RELN: variants seen among roughly 807,000 people sequenced by gnomAD.
The protein encoded by RELN is reelin.
In RELN, 108 loss-of-function variants were observed where a neutral mutation model predicts 427.6. The ratio of observed to expected loss-of-function variants is 0.25; its 90% confidence interval spans 0.22 to 0.30. The LOEUF (loss-of-function observed/expected upper bound fraction) is 0.30. RELN is among the 10% of genes least tolerant of loss of function. The probability of loss-of-function intolerance (pLI) is 1.00; values close to 1 mark genes in which losing one functional copy is unlikely to be tolerated. For missense variants in RELN, 3,715 were observed against 4,302.8 expected, an observed-to-expected ratio of 0.86 and a Z score of 3.82; for synonymous variants, 1,524 against 1,513.4, an observed-to-expected ratio of 1.01 and a Z score of -0.16.
intron 25 of RELN, among the ~76,000 whole-genome samples, chr7:103,595,991 T>C (rs558593609): frequency 1.3e-5 from 2 of 152,276 alleles, no homozygotes; most frequent in South Asian, 4.1e-4. Context: ...GCAAAATTTT[T>C]AGAAAATCTG....
intron 43 of RELN, 148 bp from the exon 44 acceptor site, chr7:103,540,603 G>T: frequency 1.4e-6 from 1 of 726,824 alleles, no homozygotes; most frequent in Non-Finnish European, 2.3e-6. Context: ...TCACTTCAAA[G>T]TCTGATTTCC....
chr7:103,569,461 T>C lies in RELN; in HGVS notation c.4589-2702A>G, dbSNP rs1263507292. Among the ~76,000 whole-genome samples, 1 of 152,250 alleles carries C rather than the reference T, an allele frequency of 6.6e-6. No individual in the cohort carries two copies. The highest frequency in any genetic ancestry group is 2.1e-4 in the South Asian group (1 of 4,832). The stretch of plus-strand genomic sequence containing the variant: ...CAAATATTTGATGTCTTAAGCTACT[T>C]AGTTGTGGAATAATTTGTTATGTAG... On this transcript the variant is annotated intron_variant, in intron 31 of 64. Coordinates refer to ENST00000428762, the MANE Select transcript of RELN (RefSeq NM_005045.4). This position sits in a 1 kb window ranked among gnomAD's most constrained non-coding sequence, Gnocchi z 4.0.
At chr7:103,570,589 G>A (rs1456505826) in intron 31 of RELN, among the ~76,000 whole-genome samples, 1 of 152,062 alleles carries the variant, frequency 6.6e-6, no homozygotes, top group East Asian at 1.9e-4. Flanking sequence ...CTGAGGGCAG[G>A]GATCTACCCT....
At chr7:103,594,019 T>C (rs1831481549) in intron 26 of RELN, 137 bp from the exon 27 acceptor site, 2 of 746,702 alleles carry the variant, frequency 2.7e-6, no homozygotes, top group East Asian at 5.3e-5. Flanking sequence ...CTATTTTTTT[T>C]TACTGCTATT....
chr7:103,485,576 G>A (rs1314844614), intron 61 of RELN, among the ~76,000 whole-genome samples: 2 of 152,126 alleles, frequency 1.3e-5, no homozygotes, highest in Non-Finnish European at 2.9e-5. Flanking sequence ...TCTGGTTAAG[G>A]TAGCCAAAGC....
chr7:103,763,301 A>G (rs1237162676), intron 4 of RELN, among the ~76,000 whole-genome samples: 1 of 152,200 alleles, frequency 6.6e-6, no homozygotes, highest in African/African-American at 2.4e-5. Flanking sequence ...CATTTTTGGA[A>G]AAGTGTCCTT....
At chr7:103,766,357 C>A (rs1056370764) in intron 4 of RELN, among the ~76,000 whole-genome samples, 8 of 152,252 alleles carry the variant, frequency 5.3e-5, no homozygotes, top group Middle Eastern at 3.4e-3. Flanking sequence ...TTCTTTTCAA[C>A]AATTAAAGTA....
intron 10 of RELN, among the ~76,000 whole-genome samples, chr7:103,684,924 T>C (rs890390033): frequency 6.6e-6 from 1 of 152,194 alleles, no homozygotes; most frequent in Non-Finnish European, 1.5e-5. Flanking sequence ...GAATAGTCAT[T>C]AAAATTCTTT....
At chr7:103,961,762 T>C (rs1796560069) in intron 1 of RELN, among the ~76,000 whole-genome samples, 2 of 151,522 alleles carry the variant, frequency 1.3e-5, no homozygotes, top group African/African-American at 4.9e-5. Flanking sequence ...CCACCTGTCA[T>C]AGTGCATAAG....
chr7:103,553,916 AAAGC>A, intron 38 of RELN, 85 bp from the exon 39 acceptor site: 3 of 1,160,506 alleles, frequency 2.6e-6, no homozygotes, highest in Non-Finnish European at 3.9e-6. Context: ...GCAAAGGACA[AAAGC>A]AACTCAGTAA....
chr7:103,658,063 A>C (rs534733981), intron 12 of RELN, among the ~76,000 whole-genome samples: 3 of 152,260 alleles, frequency 2.0e-5, no homozygotes, highest in East Asian at 3.9e-4. Flanking sequence ...TGGAGGAACA[A>C]TAAACAAATA....
At chr7:103,647,545 A>AC (rs1832822470) in intron 16 of RELN, among the ~76,000 whole-genome samples, 1 of 151,656 alleles carries the variant, frequency 6.6e-6, no homozygotes, top group South Asian at 2.1e-4. Context: ...TGAAAAAAAA[A>AC]AAACTGTAGG....
chr7:103,790,762 G>A (rs1792142171), intron 3 of RELN, among the ~76,000 whole-genome samples: 1 of 152,108 alleles, frequency 6.6e-6, no homozygotes, highest in South Asian at 2.1e-4. Context: ...AGGAGTTTGA[G>A]ACCAGTCTGG....
At chr7:103,571,021 C>T (rs1374017041) in intron 31 of RELN, among the ~76,000 whole-genome samples, 3 of 152,248 alleles carry the variant, frequency 2.0e-5, no homozygotes, top group Admixed American at 6.5e-5. Context: ...AGCTTCTATA[C>T]TGCTTCAGTA....
chr7:103,687,007 G>C (rs1250657092), intron 10 of RELN, among the ~76,000 whole-genome samples: 1 of 152,124 alleles, frequency 6.6e-6, no homozygotes, highest in East Asian at 1.9e-4. Flanking sequence ...ACCATGGTGA[G>C]TGAATTTTAT....
intron 2 of RELN, among the ~76,000 whole-genome samples, chr7:103,898,489 A>T (rs1192696252): frequency 6.6e-6 from 1 of 152,054 alleles, no homozygotes. Context: ...TTACATTAAC[A>T]TTTTAATGGC....
chr7:103,590,855 T>C (rs1329746887), intron 27 of RELN, among the ~76,000 whole-genome samples: 1 of 152,242 alleles, frequency 6.6e-6, no homozygotes, highest in African/African-American at 2.4e-5. Context: ...ACAGTTGAAG[T>C]TATTACACAT....
chr7:103,818,946 A>T (rs1355565282), intron 3 of RELN, among the ~76,000 whole-genome samples: 1 of 152,096 alleles, frequency 6.6e-6, no homozygotes, highest in African/African-American at 2.4e-5. Context: ...TTAGAGAATA[A>T]AATGTATAAG....
chr7:103,565,648 T>C (rs1830734685), intron 33 of RELN, 97 bp from the exon 34 acceptor site: 1 of 1,193,020 alleles, frequency 8.4e-7, no homozygotes, highest in African/African-American at 1.5e-5. Flanking sequence ...CAAACAAAAA[T>C]CATGGCCTAT....
Sources: gnomAD v4.1 joint callset for allele counts (sites outside exome capture counted in the v4.1 genomes callset) on GRCh38, gnomAD v4.1.1 for gene constraint, Gnocchi (gnomAD v3.1) non-coding constraint, MANE v1.5 for transcripts, NCBI Gene and HGNC (gene_info 2026-07-23, HGNC 2026-07-21) for gene names.